Variants in HEBP2 observed in about 807,000 individuals in gnomAD.
The protein encoded by HEBP2 is heme binding protein 2.
HEBP2 carries 27 observed loss-of-function variants against 23.1 expected under a neutral mutation model. That is an observed-to-expected ratio of 1.17 (90% CI 0.86 to 1.61). The LOEUF is 1.61. HEBP2 is among the 40% of genes most tolerant of loss of function. The pLI, the probability that HEBP2 is intolerant of heterozygous loss-of-function variation, is 0.00. For missense variants in HEBP2, 245 were observed against 253.8 expected, an observed-to-expected ratio of 0.97 and a Z score of 0.24; for synonymous variants, 99 against 95.1, an observed-to-expected ratio of 1.04 and a Z score of -0.24.
At position 138,416,859 on chromosome 6, in the gene HEBP2, C is replaced by T. The variant is rs1039745728; in HGVS notation, c.*3781C>T. ...CCAATTAAAAAACAAAAACATGATT[C>T]CTTGCCAGTTTCTAGTTCAGTTTTC... On this transcript the variant is annotated 3_prime_UTR_variant, in exon 4 of 4. Transcript: ENST00000607197. 1 of 152,166 alleles carries T rather than the reference C, an allele frequency of 6.6e-6. No homozygotes were observed. The highest frequency in any genetic ancestry group is 2.1e-4 in the South Asian group (1 of 4,832). 9.4% of individuals were successfully genotyped at this position (152,166 alleles called of 1,614,324 possible).
Position 138,419,159 on chromosome 6 carries a change from A to C in HEBP2, c.*6081A>C, listed in dbSNP as rs923743613. 2 of 152,190 alleles carry C rather than the reference A, an allele frequency of 1.3e-5. No homozygotes were observed. The highest frequency in any genetic ancestry group is 2.9e-5 in the Non-Finnish European group (2 of 68,044). The allele number at this position is 152,190 out of a possible 1,614,324, so 9.4% of individuals were successfully genotyped here. ...CACACATAAAGTGGCAGTGGTGGCA[A>C]AGATGGAGGCTATGGATGGAACCCA... On this transcript the variant is annotated 3_prime_UTR_variant, in exon 4 of 4. Coordinates refer to ENST00000607197, the MANE Select transcript of HEBP2 (RefSeq NM_014320.3).
Position 138,404,613 on chromosome 6 carries a change from G to A in HEBP2, c.102+16G>A. 7.9e-7 allele frequency: 1 copy of A among 1,262,418 alleles called. No individual in the cohort carries two copies. The highest frequency in any genetic ancestry group is 1.0e-6 in the Non-Finnish European group (1 of 1,001,370). The allele number at this position is 1,262,418 out of a possible 1,614,324, so 78.2% of individuals were successfully genotyped here. On this transcript the variant is annotated intron_variant, in intron 1 of 3. Coordinates refer to ENST00000607197, the MANE Select transcript of HEBP2 (RefSeq NM_014320.3). ...CGGCCCCCAGGTAGGCGCCGACTCG[G>A]GAGCGGAGGGGCTGGGCCCGCCTTC... is the stretch of plus-strand genomic sequence containing the variant.
chr6:138,407,669 AC>A (rs1486409246), intron 3 of HEBP2, among the ~76,000 whole-genome samples: 4 of 152,254 alleles, frequency 2.6e-5, no homozygotes, highest in African/African-American at 9.6e-5. Context: ...TTGGGGACTC[AC>A]TGCAGTAGCT....
intron 1 of HEBP2, among the ~76,000 whole-genome samples, 197 bp downstream of exon 1, chr6:138,404,794 C>T (rs1253801584): frequency 2.0e-5 from 3 of 152,142 alleles, no homozygotes; most frequent in Non-Finnish European, 4.4e-5. Flanking sequence ...GGTCCCATCT[C>T]AATTTCTTGT....
Position 138,413,288 on chromosome 6 carries a change from T to C in HEBP2, c.*210T>C, listed in dbSNP as rs999575611. The C allele has an allele frequency of 2.6e-5, 13 of 496,232 alleles. No homozygotes were observed. The highest frequency in any genetic ancestry group is 4.3e-5 in the Non-Finnish European group (12 of 277,828). 30.7% of individuals were successfully genotyped at this position (496,232 alleles called of 1,614,324 possible). A position where few individuals can be genotyped will look rare whatever the true frequency, so the allele number is the denominator to read the frequency against. On this transcript the variant is annotated 3_prime_UTR_variant, in exon 4 of 4. Transcript: ENST00000607197. ...AGTAGTCTGTAAACATATAAATCGG[T>C]CATAACTATCGTGGTCTTTATTTCT... is the stretch of plus-strand genomic sequence containing the variant.
Position 138,414,749 on chromosome 6 carries a change from AG to A in HEBP2, c.*1673del, listed in dbSNP as rs949664762. 1 of 152,220 alleles carries A rather than the reference AG, an allele frequency of 6.6e-6. No individual in the cohort carries two copies. The highest frequency in any genetic ancestry group is 2.4e-5 in the African/African-American group (1 of 41,450). 9.4% of individuals were successfully genotyped at this position (152,220 alleles called of 1,614,324 possible). ...GCAATTCCCAGCCAATAACTGAGCAAGGTGGTGGTATAAGACCTAGCCATTT... is the reference window on the plus strand; with the variant it reads ...GCAATTCCCAGCCAATAACTGAGCAAGTGGTGGTATAAGACCTAGCCATTT... On this transcript the variant is annotated 3_prime_UTR_variant, in exon 4 of 4. Transcript: ENST00000607197.
intron 3 of HEBP2, among the ~76,000 whole-genome samples, chr6:138,411,488 G>C (rs1159659366): frequency 3.9e-5 from 6 of 152,120 alleles, no homozygotes; most frequent in Non-Finnish European, 8.8e-5. Flanking sequence ...CTCATTTTAT[G>C]CCTCACTATG....
At chr6:138,407,870 C>T (rs1000701925) in intron 3 of HEBP2, among the ~76,000 whole-genome samples, 3 of 152,178 alleles carry the variant, frequency 2.0e-5, no homozygotes, top group Non-Finnish European at 4.4e-5. Context: ...ACACCTCAGC[C>T]CACTGGAGCT....
rs929469751 is a variant in HEBP2 at position 138,415,483 on chromosome 6, G to A, written c.*2405G>A. ...GGGTGTCTCAAATATGGGAAGGGTG[G>A]ATAAAAGAGACAAGGACAGTGGGCT... On this transcript the variant is annotated 3_prime_UTR_variant, in exon 4 of 4. Transcript: ENST00000607197. The A allele has an allele frequency of 6.6e-6, 1 of 152,212 alleles. No individual in the cohort carries two copies. Among genetic ancestry groups the A allele is most frequent in the African/African-American group, 2.4e-5 (1 of 41,432 alleles). The allele number at this position is 152,212 out of a possible 1,614,324, so 9.4% of individuals were successfully genotyped here. A position where few individuals can be genotyped will look rare whatever the true frequency, so the allele number is the denominator to read the frequency against.
Position 138,421,828 on chromosome 6 carries a change from T to C in HEBP2, c.*8750T>C, listed in dbSNP as rs943307889. On this transcript the variant is annotated 3_prime_UTR_variant, in exon 4 of 4. Transcript: ENST00000607197. The stretch of plus-strand genomic sequence containing the variant: ...TTATTCCAAAGTCCATAGGACACGA[T>C]GTGGACTTGTTTTTCCACGTGCCCT... 4 of 152,240 alleles carry C rather than the reference T, an allele frequency of 2.6e-5. No individual in the cohort carries two copies. The highest frequency in any genetic ancestry group is 2.6e-4 in the Admixed American group (4 of 15,290). The allele number at this position is 152,240 out of a possible 1,614,324, so 9.4% of individuals were successfully genotyped here.
intron 3 of HEBP2, chr6:138,412,209 C>A: frequency 2.8e-6 from 1 of 360,538 alleles, no homozygotes; most frequent in South Asian, 2.1e-5. Context: ...GAAATACACT[C>A]TCAGGCCCCA....
At chr6:138,404,741 AC>A (rs1774609592) in intron 1 of HEBP2, 144 bp downstream of exon 1, 1 of 501,956 alleles carries the variant, frequency 2.0e-6, no homozygotes, top group Non-Finnish European at 3.2e-6. Flanking sequence ...CAAACGAGAA[AC>A]CCCGGTCATT....
chr6:138,404,118 C>G (rs1014447320), upstream of HEBP2: 1 of 219,854 alleles, frequency 4.5e-6, no homozygotes, highest in African/African-American at 2.3e-5. Flanking sequence ...CAGCGCCACC[C>G]CCTACTGCCC....
rs1182351731 is a variant in HEBP2, at chr6:138,405,394, C to G, written c.238+114C>G. 7 of 1,323,668 alleles carry G rather than the reference C, an allele frequency of 5.3e-6. No individual in the cohort carries two copies. The South Asian group carries it at 9.0e-5, about 17-fold the overall frequency. The allele number at this position is 1,323,668 out of a possible 1,614,324, so 82.0% of individuals were successfully genotyped here. On this transcript the variant is annotated intron_variant, in intron 2 of 3. Transcript: ENST00000607197. ...TATAATGGAAAAATAAGCAAGTCAT[C>G]AAAGACTTGTCTTGTTTTCAGACAA...
intron 3 of HEBP2, 37 bp downstream of exon 3, chr6:138,406,188 A>G: frequency 6.3e-7 from 1 of 1,582,794 alleles, no homozygotes; most frequent in Non-Finnish European, 8.6e-7. Context: ...GCTGACTGCT[A>G]GTTTTACTTG....
Position 138,404,957 on chromosome 6 carries a change from A to G in HEBP2, c.103-188A>G, listed in dbSNP as rs531768146. On this transcript the variant is annotated intron_variant, in intron 1 of 3. Coordinates refer to ENST00000607197, the MANE Select transcript of HEBP2 (RefSeq NM_014320.3). ...GGGGCCGCTGCGGTCCCTAATCGCA[A>G]GGAGGGGAACCTCGTGGAGGGGAAC... 5.9e-5 allele frequency among the ~76,000 whole-genome samples: 9 copies of G among 151,896 alleles called. No individual in the cohort carries two copies. The East Asian group carries it at 1.8e-3, about 30-fold the overall frequency.
In HEBP2 at chr6:138,404,419, C is replaced by A; in HGVS notation, c.-77C>A. On this transcript the variant is annotated 5_prime_UTR_variant, in exon 1 of 4. Coordinates refer to ENST00000607197, the MANE Select transcript of HEBP2 (RefSeq NM_014320.3). ...GGGGACTCGGGGCCTCGGCGGGGCG[C>A]GCACACGCAGGCGGGGCGGCCCGGG... 1.0e-6 allele frequency: 1 copy of A among 1,000,500 alleles called. No homozygotes were observed. Among genetic ancestry groups the A allele is most frequent in the Non-Finnish European group, 1.3e-6 (1 of 784,742 alleles). 62.0% of individuals were successfully genotyped at this position (1,000,500 alleles called of 1,614,324 possible).
At chr6:138,409,925 C>T (rs1418247266) in intron 3 of HEBP2, among the ~76,000 whole-genome samples, 1 of 152,234 alleles carries the variant, frequency 6.6e-6, no homozygotes, top group Non-Finnish European at 1.5e-5. Flanking sequence ...ATAATACTTA[C>T]TATCTCATAG....
At position 138,405,148 on chromosome 6, in the gene HEBP2, G is replaced by A; in HGVS notation, c.106G>A (p.Gly36Arg). 1 of 1,609,686 alleles carries A rather than the reference G, an allele frequency of 6.2e-7. No individual in the cohort carries two copies. The highest frequency in any genetic ancestry group is 8.5e-7 in the Non-Finnish European group (1 of 1,178,848). ...AGTTTTCTCTGTTCCACTTTAGCCCGGAAGTTATGAGATCCGACACTATGG... is the reference window on the plus strand; with the variant it reads ...AGTTTTCTCTGTTCCACTTTAGCCCAGAAGTTATGAGATCCGACACTATGG... Reference protein sequence around the residue: ...KAPEDAGPQPGSYEIRHYGPA... With the variant: ...KAPEDAGPQPRSYEIRHYGPA... The change falls in exon 2 of 4, where the codon GGA becomes AGA. Residue 36 changes from glycine (G) to arginine (R), a missense_variant. Transcript: ENST00000607197.
Sources: allele counts gnomAD v4.1 joint callset (sites outside exome capture counted in the v4.1 genomes callset), GRCh38; gene constraint gnomAD v4.1.1; transcripts MANE v1.5; gene names NCBI Gene and HGNC (gene_info 2026-07-23, HGNC 2026-07-21).